HCK: variants seen among roughly 807,000 people sequenced by gnomAD.
HCK encodes HCK proto-oncogene, Src family tyrosine kinase, also known as tyrosine-protein kinase HCK.
A neutral mutation model predicts 70.4 loss-of-function variants in HCK; 40 were observed. That is an observed-to-expected ratio of 0.57 (90% CI 0.44 to 0.74). The LOEUF (loss-of-function observed/expected upper bound fraction) is 0.74, where lower values mean the gene tolerates loss of function less well. Among genes scored for constraint, HCK ranks in the 30% least tolerant of loss-of-function variants. The pLI is 0.00. For synonymous variants in HCK, 245 were observed against 263.2 expected, an observed-to-expected ratio of 0.93 and a Z score of 0.67; for missense variants, 568 against 697.2, an observed-to-expected ratio of 0.81 and a Z score of 2.09.
At position 32,052,796 on chromosome 20, in the gene HCK, GATTTTTT is replaced by G. The variant is rs1420069128; in HGVS notation, c.62+311_62+317del. ...GTTCCCCTTCTTGGGGGGGGGCGGG[GATTTTTT>G]TTTTAATTTAAAAAAGAAAAAGAAG... On this transcript the variant is annotated intron_variant, in intron 1 of 12. Coordinates refer to ENST00000375852, the MANE Select transcript of HCK (RefSeq NM_002110.5). Among the ~76,000 whole-genome samples, 243 of 110,940 alleles carry G rather than the reference GATTTTTT, an allele frequency of 2.2e-3. 12 individuals carry two copies. Among genetic ancestry groups the G allele is most frequent in the African/African-American group, 7.3e-3 (131 of 17,984 alleles). 72.8% of individuals were successfully genotyped at this position (110,940 alleles called of 152,430 possible).
intron 1 of HCK, among the ~76,000 whole-genome samples, chr20:32,062,086 T>G (rs1424287455): frequency 6.6e-6 from 1 of 151,888 alleles, no homozygotes; most frequent in East Asian, 1.9e-4. Context: ...ATTACAGGCA[T>G]GCGCCACCAT....
intron 1 of HCK, among the ~76,000 whole-genome samples, chr20:32,070,799 T>G (rs1399217511): frequency 6.6e-6 from 1 of 151,792 alleles, no homozygotes; most frequent in African/African-American, 2.4e-5. Flanking sequence ...CAGTAAATCT[T>G]GGCTGTGTAA....
intron 10 of HCK, 95 bp downstream of exon 10, chr20:32,088,739 A>T (rs1482847662): frequency 1.2e-6 from 1 of 864,568 alleles, no homozygotes; most frequent in Non-Finnish European, 1.9e-6. Flanking sequence ...TGATAGCAGT[A>T]ATAATAATGG....
At chr20:32,068,062 C>T (rs1410441698) in intron 1 of HCK, among the ~76,000 whole-genome samples, 1 of 151,844 alleles carries the variant, frequency 6.6e-6, no homozygotes, top group East Asian at 1.9e-4. Context: ...TTTGGGAGGC[C>T]AAGGAGGACG....
At chr20:32,067,477 T>A (rs2045475212) in intron 1 of HCK, among the ~76,000 whole-genome samples, 1 of 150,776 alleles carries the variant, frequency 6.6e-6, no homozygotes, top group African/African-American at 2.4e-5. Flanking sequence ...TAATTGTGTG[T>A]CCAGTCTCCC....
rs150760216 is a variant in HCK, at chr20:32,089,594, C to T, written c.1092+950C>T. ...AACAAAGTAAATAATGTTCACAAATCGCAAAAACACTGCTGAAAACCTAAT... is the reference window on the plus strand; with the variant it reads ...AACAAAGTAAATAATGTTCACAAATTGCAAAAACACTGCTGAAAACCTAAT... On this transcript the variant is annotated intron_variant, in intron 10 of 12. Coordinates refer to ENST00000375852, the MANE Select transcript of HCK (RefSeq NM_002110.5). Among the ~76,000 whole-genome samples, 102 of 152,300 alleles carry T rather than the reference C, an allele frequency of 6.7e-4. No individual in the cohort carries two copies. In the Middle Eastern group the frequency reaches 0.01, roughly 15 times the overall value.
At chr20:32,059,276 TAA>T (rs1197490844) in intron 1 of HCK, among the ~76,000 whole-genome samples, 1 of 48,004 alleles carries the variant, frequency 2.1e-5, no homozygotes, top group Non-Finnish European at 3.7e-5. Context: ...TGTAATGTTT[TAA>T]TCTTCCTTCC....
At chr20:32,083,498 A>T (rs1415460103) in intron 6 of HCK, among the ~76,000 whole-genome samples, 3 of 152,238 alleles carry the variant, frequency 2.0e-5, no homozygotes, top group African/African-American at 7.2e-5. Context: ...TGATAGAAAG[A>T]TGGAACAATA....
At position 32,052,788 on chromosome 20, in the gene HCK, GGGGC is replaced by G. The variant is rs1159875320; in HGVS notation, c.62+306_62+309del. Among the ~76,000 whole-genome samples, 50 of 132,974 alleles carry G rather than the reference GGGGC, an allele frequency of 3.8e-4. 3 individuals carry two copies. The highest frequency in any genetic ancestry group is 5.6e-4 in the Non-Finnish European group (36 of 63,796). 87.2% of individuals were successfully genotyped at this position (132,974 alleles called of 152,430 possible). A position where few individuals can be genotyped will look rare whatever the true frequency, so the allele number is the denominator to read the frequency against. On this transcript the variant is annotated intron_variant, in intron 1 of 12. Coordinates refer to ENST00000375852, the MANE Select transcript of HCK (RefSeq NM_002110.5). ...CCGTCCAGGTTCCCCTTCTTGGGGG[GGGGC>G]GGGGATTTTTTTTTTAATTTAAAAA...
At chr20:32,076,353 C>G (rs2045625997) in intron 5 of HCK, among the ~76,000 whole-genome samples, 1 of 151,966 alleles carries the variant, frequency 6.6e-6, no homozygotes, top group Non-Finnish European at 1.5e-5. Flanking sequence ...GTCACCCCTT[C>G]TTAGTGATCA....
chr20:32,059,297 C>T (rs885495), intron 1 of HCK, among the ~76,000 whole-genome samples: 31 of 26,144 alleles, frequency 1.2e-3, no homozygotes, highest in South Asian at 0.01. Flanking sequence ...CCTTCCTTCC[C>T]TCCCTCCCTC....
At position 32,084,382 on chromosome 20, in the gene HCK, C is replaced by G. The variant is rs371503935; in HGVS notation, c.683-9C>G. On this transcript the variant is annotated splice_polypyrimidine_tract_variant and intron_variant, in intron 7 of 12. Transcript: ENST00000375852. ...TGTTGCTCTCAATTGACCAGGGACTCTGTTCCAGAGGGGAACGACGGGCTC... is the reference window on the plus strand; with the variant it reads ...TGTTGCTCTCAATTGACCAGGGACTGTGTTCCAGAGGGGAACGACGGGCTC... 84 of 1,609,034 alleles carry G rather than the reference C, an allele frequency of 5.2e-5. No individual in the cohort carries two copies. Among genetic ancestry groups the G allele is most frequent in the Non-Finnish European group, 6.8e-5 (80 of 1,177,348 alleles).
chr20:32,086,105 C>T (rs1470702873), intron 8 of HCK, among the ~76,000 whole-genome samples: 2 of 152,128 alleles, frequency 1.3e-5, no homozygotes, highest in South Asian at 2.1e-4. Context: ...CTGCAAGCTC[C>T]GTCTCCTGGG....
At position 32,052,537 on chromosome 20, in the gene HCK, A is replaced by G. The variant is rs546868717; in HGVS notation, c.62+51A>G. 2.9e-4 allele frequency: 346 copies of G among 1,211,342 alleles called. 7 individuals carry two copies. The South Asian group carries it at 0.011, about 37-fold the overall frequency. The allele number at this position is 1,211,342 out of a possible 1,614,324, so 75.0% of individuals were successfully genotyped here. A position where few individuals can be genotyped will look rare whatever the true frequency, so the allele number is the denominator to read the frequency against. ...GAATACCCGGCCCGCGAGGGGTCCCAGGAGGCGGAGGGAGCCCAGGAGCCT... is the reference window on the plus strand; with the variant it reads ...GAATACCCGGCCCGCGAGGGGTCCCGGGAGGCGGAGGGAGCCCAGGAGCCT... On this transcript the variant is annotated intron_variant, in intron 1 of 12. Transcript: ENST00000375852.
chr20:32,072,946 C>A (rs2045564421), intron 2 of HCK, among the ~76,000 whole-genome samples: 1 of 151,938 alleles, frequency 6.6e-6, no homozygotes, highest in South Asian at 2.1e-4. Flanking sequence ...ACTAAAAATA[C>A]AAAATTAGCC....
intron 5 of HCK, among the ~76,000 whole-genome samples, chr20:32,076,439 C>T (rs1363598256): frequency 6.6e-6 from 1 of 152,170 alleles, no homozygotes; most frequent in Non-Finnish European, 1.5e-5. Flanking sequence ...CTCTGTTTCT[C>T]CACTCCAGGG....
At chr20:32,075,647 C>G (rs1448338136) in intron 5 of HCK, among the ~76,000 whole-genome samples, 1 of 152,172 alleles carries the variant, frequency 6.6e-6, no homozygotes, top group Admixed American at 6.5e-5. Context: ...GTGGGTTCTT[C>G]TTGTGTCTAG....
intron 1 of HCK, among the ~76,000 whole-genome samples, chr20:32,053,531 G>C (rs766674230): frequency 6.6e-6 from 1 of 151,080 alleles, no homozygotes; most frequent in Non-Finnish European, 1.5e-5. Flanking sequence ...CCAGCTACTC[G>C]GGAGGCTGAG....
intron 1 of HCK, among the ~76,000 whole-genome samples, chr20:32,054,649 A>C (rs964672807): frequency 6.6e-6 from 1 of 151,498 alleles, no homozygotes; most frequent in Non-Finnish European, 1.5e-5. Flanking sequence ...TACTAAAAAT[A>C]CAAAAAATTA....
Sources: gnomAD v4.1 joint callset for allele counts (sites outside exome capture counted in the v4.1 genomes callset) on GRCh38, gnomAD v4.1.1 for gene constraint, MANE v1.5 for transcripts, NCBI Gene and HGNC (gene_info 2026-07-23, HGNC 2026-07-21) for gene names.